AK9: variants seen among roughly 807,000 people sequenced by gnomAD.
The protein encoded by AK9 is adenylate kinase domain containing 1.
Under a neutral mutation model 239.6 loss-of-function variants are expected in AK9, and 191 were observed. That is an observed-to-expected ratio of 0.80 (90% CI 0.71 to 0.90). The LOEUF (loss-of-function observed/expected upper bound fraction) is 0.90. Ranked by LOEUF, AK9 falls within the 40% of genes least tolerant of loss-of-function variation. The pLI is 0.00. For synonymous variants in AK9, 689 were observed against 721.0 expected (o/e 0.96, Z 0.71); for missense variants, 1,995 against 2,214.7 (o/e 0.90, Z 1.99).
chr6:109,667,648 C>T (rs1050856201), intron 5 of AK9, among the ~76,000 whole-genome samples: 15 of 151,506 alleles, frequency 9.9e-5, no homozygotes, highest in African/African-American at 2.9e-4. Context: ...TGAGAACATG[C>T]GGTGTTTGGT....
intron 17 of AK9, among the ~76,000 whole-genome samples, chr6:109,605,692 G>A (rs552860252): frequency 6.6e-6 from 1 of 152,174 alleles, no homozygotes; most frequent in Non-Finnish European, 1.5e-5. Context: ...TACTGTTGTT[G>A]AAGTAGCCCA....
chr6:109,534,574 T>A (rs1781722184), intron 27 of AK9, among the ~76,000 whole-genome samples: 1 of 150,922 alleles, frequency 6.6e-6, no homozygotes, highest in Non-Finnish European at 1.5e-5. Flanking sequence ...GGAAGCAAAT[T>A]TCCATATATT....
intron 8 of AK9, 117 bp downstream of exon 8, chr6:109,656,639 T>C (rs1209845640): frequency 1.7e-6 from 2 of 1,189,036 alleles, no homozygotes; most frequent in African/African-American, 1.6e-5. Context: ...TCTACAAAGC[T>C]CAAGGGGAGA....
rs140510249 is a variant in AK9 at position 109,656,764 on chromosome 6, T to C, written c.751A>G (p.Thr251Ala). Reference sequence around the variant, plus strand: ...ATATATTTTGTTCTTACTTCTAAAGTTTGGAGAATTGTTTCCTTATAAAGC... The same window carrying C: ...ATATATTTTGTTCTTACTTCTAAAGCTTGGAGAATTGTTTCCTTATAAAGC... ...VKLYKETILQ[T>A]LEEVMAEHNP... is the part of the protein sequence containing the mutation. The change falls in exon 8 of 41, where the codon ACT becomes GCT. Residue 251 changes from threonine (T) to alanine (A), a missense_variant. Coordinates refer to ENST00000424296, the MANE Select transcript of AK9 (RefSeq NM_001145128.3). 98 of 1,589,956 alleles carry C rather than the reference T, an allele frequency of 6.2e-5. 1 individual carries two copies. In the African/African-American group the frequency reaches 1.1e-3, roughly 18 times the overall value.
At chr6:109,576,832 T>C (rs950422194) in intron 20 of AK9, among the ~76,000 whole-genome samples, 1 of 150,452 alleles carries the variant, frequency 6.6e-6, no homozygotes, top group African/African-American at 2.4e-5. Context: ...GTCATAGATT[T>C]CTTTTTTTTT....
At chr6:109,563,345 C>A (rs1583020553) in intron 24 of AK9, among the ~76,000 whole-genome samples, 1 of 152,098 alleles carries the variant, frequency 6.6e-6, no homozygotes, top group South Asian at 2.1e-4. Flanking sequence ...TAAATTTATA[C>A]AATATTTATG....
intron 12 of AK9, among the ~76,000 whole-genome samples, chr6:109,627,133 C>CTTTTTTTTTTTTT (rs71018357): frequency 1.5e-5 from 1 of 67,318 alleles, no homozygotes; most frequent in African/African-American, 6.1e-5. Flanking sequence ...GATGTTTAAG[C>CTTTTTTTTTTTTT]TTTTTTTTTT....
intron 7 of AK9, among the ~76,000 whole-genome samples, chr6:109,657,100 T>C (rs899119303): frequency 6.6e-5 from 10 of 152,194 alleles, no homozygotes; most frequent in African/African-American, 2.4e-4. Context: ...GGATATTTAC[T>C]CATTTCTGTT....
chr6:109,536,880 G>C (rs911336066), intron 27 of AK9, among the ~76,000 whole-genome samples: 2 of 152,110 alleles, frequency 1.3e-5, no homozygotes, highest in Non-Finnish European at 2.9e-5. Flanking sequence ...TTTTGTCTTT[G>C]GTTCTGCTTA....
chr6:109,594,816 A>C (rs1562465720), intron 17 of AK9, among the ~76,000 whole-genome samples: 1 of 152,158 alleles, frequency 6.6e-6, no homozygotes, highest in Non-Finnish European at 1.5e-5. Context: ...TATGCAGAAA[A>C]CTGAAACTGG....
At chr6:109,580,046 A>G (rs1788625994) in intron 19 of AK9, among the ~76,000 whole-genome samples, 1 of 152,188 alleles carries the variant, frequency 6.6e-6, no homozygotes, top group African/African-American at 2.4e-5. Context: ...ATGAGGATTA[A>G]AAGTCTAGGA....
chr6:109,523,950 CA>C (rs1780152407), intron 29 of AK9, among the ~76,000 whole-genome samples: 1 of 152,150 alleles, frequency 6.6e-6, no homozygotes, highest in Non-Finnish European at 1.5e-5. Context: ...CACAATATAA[CA>C]TTTACAATTC....
At position 109,691,162 on chromosome 6, in the gene AK9, T is replaced by C. The variant is rs1774344628; in HGVS notation, c.-27A>G. 3.5e-6 allele frequency: 2 copies of C among 568,328 alleles called. No individual in the cohort carries two copies. Among genetic ancestry groups the C allele is most frequent in the South Asian group, 2.2e-5 (1 of 45,576 alleles). The allele number at this position is 568,328 out of a possible 1,614,324, so 35.2% of individuals were successfully genotyped here. ...CAATCCTTACCAAAGATGGTGCCCT[T>C]CGCTTCCTCTCTCGGCAGCACGCAG... On this transcript the variant is annotated 5_prime_UTR_variant, in exon 1 of 41. Coordinates refer to ENST00000424296, the MANE Select transcript of AK9 (RefSeq NM_001145128.3).
At chr6:109,561,954 G>T (rs368828266) in intron 24 of AK9, among the ~76,000 whole-genome samples, 1 of 151,814 alleles carries the variant, frequency 6.6e-6, no homozygotes, top group Non-Finnish European at 1.5e-5. Flanking sequence ...ATATGTACAC[G>T]TTGAGCATCC....
chr6:109,652,084 T>G (rs1014417216), intron 8 of AK9, among the ~76,000 whole-genome samples: 9 of 152,148 alleles, frequency 5.9e-5, no homozygotes, highest in African/African-American at 2.2e-4. Flanking sequence ...TACCAAAGCC[T>G]GTCAGAGAAA....
In AK9 at chr6:109,651,947, G is replaced by A. The variant is rs1031764687; in HGVS notation, c.759+4809C>T. Among the ~76,000 whole-genome samples, 72 of 152,152 alleles carry A rather than the reference G, an allele frequency of 4.7e-4. 1 individual carries two copies. The highest frequency in any genetic ancestry group is 6.8e-3 in the Middle Eastern group (2 of 294). On this transcript the variant is annotated intron_variant, in intron 8 of 40. Transcript: ENST00000424296. ...AACCAAAAAAAGTCCAGGACCTGAC[G>A]GATTCACAGCCAAACTCTACCAGAG...
intron 5 of AK9, 41 bp downstream of exon 5, chr6:109,671,878 A>T: frequency 1.3e-6 from 2 of 1,577,772 alleles, no homozygotes; most frequent in Non-Finnish European, 1.7e-6. Context: ...ATGAGTTTTA[A>T]GGCTGCTTTG....
chr6:109,577,908 T>TTCTG (rs71018350), intron 20 of AK9, among the ~76,000 whole-genome samples: 19,084 of 148,452 alleles, frequency 0.13, 2,653 homozygotes, highest in African/African-American at 0.35. Flanking sequence ...CTTTCTCTCT[T>TTCTG]TCTTTCTTTC....
chr6:109,617,420 C>A (rs1794307381), intron 13 of AK9, among the ~76,000 whole-genome samples: 1 of 149,104 alleles, frequency 6.7e-6, no homozygotes, highest in African/African-American at 2.4e-5. Context: ...AAAAATGTAT[C>A]ATAAAGCTTT....
Sources: allele counts gnomAD v4.1 joint callset (sites outside exome capture counted in the v4.1 genomes callset), GRCh38; gene constraint gnomAD v4.1.1; transcripts MANE v1.5; gene names NCBI Gene and HGNC (gene_info 2026-07-23, HGNC 2026-07-21).